NGEF: variants seen among roughly 807,000 people sequenced by gnomAD.
NGEF encodes ephexin-1.
NGEF carries 31 observed loss-of-function variants against 80.9 expected under a neutral mutation model. That is an observed-to-expected ratio of 0.38 (90% CI 0.29 to 0.52). NGEF has a LOEUF of 0.52. Ranked by LOEUF, NGEF falls within the 20% of genes least tolerant of loss-of-function variation. The probability of loss-of-function intolerance (pLI) is 0.84; values close to 1 mark genes in which losing one functional copy is unlikely to be tolerated. For missense variants in NGEF, 709 were observed against 926.2 expected, an observed-to-expected ratio of 0.77 and a Z score of 3.04; for synonymous variants, 371 against 370.2, an observed-to-expected ratio of 1.00 and a Z score of -0.03.
intron 3 of NGEF, among the ~76,000 whole-genome samples, chr2:232,964,962 G>A (rs1267177370): frequency 6.6e-6 from 1 of 152,252 alleles, no homozygotes; most frequent in Non-Finnish European, 1.5e-5. Flanking sequence ...GATGGTCAAG[G>A]AGGTGTAGTA....
intron 5 of NGEF, among the ~76,000 whole-genome samples, chr2:232,896,663 T>G (rs1574997439): frequency 5.0e-5 from 1 of 19,814 alleles, no homozygotes; most frequent in Non-Finnish European, 9.0e-5. Context: ...GGGGTGGGGG[T>G]AGGGGTGGGG....
At chr2:232,886,107 T>C (rs981584038) in intron 9 of NGEF, among the ~76,000 whole-genome samples, 4 of 151,980 alleles carry the variant, frequency 2.6e-5, no homozygotes, top group African/African-American at 9.7e-5. Flanking sequence ...GTGTGCCATG[T>C]GTGCATGTGT....
intron 3 of NGEF, among the ~76,000 whole-genome samples, chr2:232,964,421 G>A (rs779928913): frequency 7.9e-5 from 12 of 152,158 alleles, no homozygotes; most frequent in Non-Finnish European, 1.6e-4. Flanking sequence ...GGCCGGGCGC[G>A]GTGGCTCGCA....
In NGEF at chr2:233,009,001, T is replaced by C. The variant is rs1559247010; in HGVS notation, c.-75+4067A>G. Among the ~76,000 whole-genome samples the C allele has an allele frequency of 2.6e-5, 4 of 152,318 alleles. No homozygotes were observed. In the East Asian group the frequency reaches 7.7e-4, roughly 29 times the overall value. On this transcript the variant is annotated intron_variant, in intron 1 of 14. Transcript: ENST00000264051. ...TAGTAGAGACAGGGTTTTGCCATGT[T>C]GGCCAGGCTGGTCTTGAACTCCTGG...
intron 3 of NGEF, among the ~76,000 whole-genome samples, chr2:232,927,573 C>T (rs1693102191): frequency 1.3e-5 from 2 of 152,134 alleles, no homozygotes; most frequent in South Asian, 4.1e-4. Context: ...CCCTTTCGGA[C>T]TCCGATCCTC....
chr2:232,937,237 G>T (rs1693347404), intron 3 of NGEF, among the ~76,000 whole-genome samples: 1 of 152,102 alleles, frequency 6.6e-6, no homozygotes, highest in African/African-American at 2.4e-5. Context: ...CAAAGTGCTG[G>T]GATTACAGGT....
intron 5 of NGEF, among the ~76,000 whole-genome samples, chr2:232,896,708 GGGTA>G (rs1692089042): frequency 8.7e-5 from 5 of 57,648 alleles, no homozygotes; most frequent in South Asian, 1.6e-3. Flanking sequence ...GTAGGGGTGG[GGGTA>G]GGGGTGAGTG....
At chr2:232,890,325 C>G (rs898329419) in intron 8 of NGEF, among the ~76,000 whole-genome samples, 1 of 152,148 alleles carries the variant, frequency 6.6e-6, no homozygotes, top group Non-Finnish European at 1.5e-5. Context: ...GCCCCATCCC[C>G]CTGAGTCTCC....
chr2:232,933,087 G>A (rs1183205954), intron 3 of NGEF, among the ~76,000 whole-genome samples: 1 of 150,126 alleles, frequency 6.7e-6, no homozygotes, highest in Non-Finnish European at 1.5e-5. Flanking sequence ...CCAGCCTGGG[G>A]AACAAGAGTG....
intron 3 of NGEF, among the ~76,000 whole-genome samples, chr2:232,940,980 G>A (rs977662915): frequency 6.6e-6 from 1 of 152,174 alleles, no homozygotes; most frequent in African/African-American, 2.4e-5. Context: ...AATTCACGCA[G>A]AGCTGGGCTG....
chr2:232,899,006 ATG>A (rs201092968), intron 5 of NGEF, among the ~76,000 whole-genome samples: 1 of 151,672 alleles, frequency 6.6e-6, no homozygotes, highest in African/African-American at 2.4e-5. Context: ...GAATGGGTGT[ATG>A]TGTGTTAACA....
intron 3 of NGEF, among the ~76,000 whole-genome samples, chr2:232,956,517 C>T (rs1285207419): frequency 6.6e-6 from 1 of 152,052 alleles, no homozygotes; most frequent in Non-Finnish European, 1.5e-5. Context: ...CCTGTAATCC[C>T]AGCACTTTGG....
intron 6 of NGEF, 84 bp from the exon 7 acceptor site, chr2:232,893,134 A>G (rs1691936771): frequency 2.1e-6 from 3 of 1,427,264 alleles, no homozygotes; most frequent in Non-Finnish European, 2.9e-6. Flanking sequence ...TGCGAGCCTG[A>G]CTTGGACATT....
At chr2:232,976,701 G>A (rs1694302871) in intron 1 of NGEF, among the ~76,000 whole-genome samples, 1 of 152,228 alleles carries the variant, frequency 6.6e-6, no homozygotes, top group Admixed American at 6.5e-5. Context: ...CAGCCAGGCA[G>A]AAATGAGCAT....
intron 3 of NGEF, among the ~76,000 whole-genome samples, chr2:232,952,983 AAAAAAAAAAAAAAAAC>A (rs1559221978): frequency 1.0e-5 from 1 of 96,264 alleles, no homozygotes; most frequent in East Asian, 4.6e-4. Context: ...AAAAAAAAAA[AAAAAAAAAAAAAAAAC>A]AACAAAAAAG....
At chr2:232,885,198 C>T in intron 10 of NGEF, 82 bp downstream of exon 10, 2 of 1,305,070 alleles carry the variant, frequency 1.5e-6, no homozygotes, top group South Asian at 1.2e-5. Context: ...GCAAGGCCAG[C>T]CAGGCGCGGT....
intron 3 of NGEF, among the ~76,000 whole-genome samples, chr2:232,930,951 TG>T (rs973787804): frequency 6.6e-6 from 1 of 152,240 alleles, no homozygotes; most frequent in African/African-American, 2.4e-5. Flanking sequence ...CAATCAGGTG[TG>T]GGTGACACCC....
intron 1 of NGEF, among the ~76,000 whole-genome samples, chr2:232,999,056 A>T (rs753900142): frequency 6.6e-6 from 1 of 151,720 alleles, no homozygotes; most frequent in Non-Finnish European, 1.5e-5. Flanking sequence ...ATTTTCTAAC[A>T]TCCCCCATCT....
chr2:232,949,907 G>A (rs181681344), intron 3 of NGEF, among the ~76,000 whole-genome samples: 76 of 151,808 alleles, frequency 5.0e-4, no homozygotes, highest in Middle Eastern at 3.4e-3. Flanking sequence ...CACCTCCTGG[G>A]TTCAAGTGAT....
Sources: gnomAD v4.1 joint callset for allele counts (sites outside exome capture counted in the v4.1 genomes callset) on GRCh38, gnomAD v4.1.1 for gene constraint, MANE v1.5 for transcripts, NCBI Gene and HGNC (gene_info 2026-07-23, HGNC 2026-07-21) for gene names.